Variants in PGM5 observed in about 807,000 individuals in gnomAD.
The protein encoded by PGM5 is phosphoglucomutase 5.
In PGM5, 23 loss-of-function variants were observed where a neutral mutation model predicts 59.2. The ratio of observed to expected loss-of-function variants is 0.39; its 90% CI spans 0.28 to 0.55. The LOEUF (loss-of-function observed/expected upper bound fraction) is 0.55, where lower values mean the gene tolerates loss of function less well. Ranked by LOEUF, PGM5 falls within the 20% of genes least tolerant of loss-of-function variation. The pLI, the probability that PGM5 is intolerant of heterozygous loss-of-function variation, is 0.66. For synonymous variants in PGM5, 214 were observed against 286.0 expected, an observed-to-expected ratio of 0.75 and a Z score of 2.54; for missense variants, 574 against 748.3, an observed-to-expected ratio of 0.77 and a Z score of 2.72.
At chr9:68,406,131 T>C (rs1554681117) in intron 6 of PGM5, 1 of 152,202 alleles carries the variant, frequency 6.6e-6, no homozygotes, top group Admixed American at 6.5e-5. Flanking sequence ...CTGACCTTTA[T>C]TGGCCTCTGC....
At chr9:68,422,594 G>T (rs1823151676) in intron 6 of PGM5, among the ~76,000 whole-genome samples, 1 of 151,914 alleles carries the variant, frequency 6.6e-6, no homozygotes, top group Non-Finnish European at 1.5e-5. Flanking sequence ...GCCGGGCCCG[G>T]TGTACTTTCT....
At chr9:68,509,016 C>A (rs1824702433) in intron 10 of PGM5, among the ~76,000 whole-genome samples, 1 of 152,200 alleles carries the variant, frequency 6.6e-6, no homozygotes, top group Non-Finnish European at 1.5e-5. Flanking sequence ...GTGCAATTAG[C>A]CAGCATCTGG....
intron 6 of PGM5, among the ~76,000 whole-genome samples, chr9:68,445,530 G>A (rs1554683955): frequency 6.6e-6 from 1 of 152,152 alleles, no homozygotes; most frequent in African/African-American, 2.4e-5. Context: ...GGTAGCCAGG[G>A]GCTCCACCGC....
chr9:68,522,799 G>A (rs890481163), intron 10 of PGM5, among the ~76,000 whole-genome samples: 2 of 152,178 alleles, frequency 1.3e-5, no homozygotes, highest in Non-Finnish European at 2.9e-5. Context: ...CTATTGGGAG[G>A]TAATGGATCT....
intron 2 of PGM5, among the ~76,000 whole-genome samples, chr9:68,382,212 A>C (rs1425401739): frequency 6.6e-6 from 1 of 151,534 alleles, no homozygotes; most frequent in East Asian, 1.9e-4. Flanking sequence ...CCAGAAATAA[A>C]TCAAGGCATA....
At chr9:68,370,747 A>G (rs1419031209) in intron 1 of PGM5, among the ~76,000 whole-genome samples, 12 of 152,292 alleles carry the variant, frequency 7.9e-5, no homozygotes, top group African/African-American at 2.9e-4. Flanking sequence ...AAGCCCAATG[A>G]CATAATTTAG....
chr9:68,412,370 G>T (rs1238066740), intron 6 of PGM5, among the ~76,000 whole-genome samples: 1 of 152,142 alleles, frequency 6.6e-6, no homozygotes, highest in African/African-American at 2.4e-5. Context: ...ATGCTTCATG[G>T]TATCTGAGAG....
chr9:68,495,163 C>T (rs756840926), intron 9 of PGM5, among the ~76,000 whole-genome samples: 27 of 152,158 alleles, frequency 1.8e-4, no homozygotes, highest in Non-Finnish European at 2.9e-4. Context: ...GTTAACACTG[C>T]GGTGGAAACT....
Position 68,357,385 on chromosome 9 carries a change from C to G in PGM5, c.258C>G (p.Asn86Lys). The change falls in exon 1 of 11, where the codon AAC becomes AAG. Residue 86 changes from asparagine to lysine, a missense_variant. Around this residue, in one of 7 missense-constraint regions of PGM5, gnomAD observed 61 missense variants for 133.3 expected, o/e 0.46. Transcript: ENST00000396396. ...TCGTGGTGCAGATGGCCGCGGCCAA[C>G]GGGGTGAGTGTCCGGATGCCCCTCG... is the stretch of plus-strand genomic sequence containing the variant. ...IEIVVQMAAA[N>K]GIGRLIIGQN... is the part of the protein sequence containing the mutation. 1 of 1,557,068 alleles carries G rather than the reference C, an allele frequency of 6.4e-7. No individual in the cohort carries two copies. The highest frequency in any genetic ancestry group is 8.7e-7 in the Non-Finnish European group (1 of 1,153,908).
intron 6 of PGM5, chr9:68,406,335 G>A (rs1213380998): frequency 6.6e-6 from 1 of 151,176 alleles, no homozygotes; most frequent in African/African-American, 2.4e-5. Flanking sequence ...AAGGTCCAGG[G>A]GCATAACAGG....
intron 9 of PGM5, among the ~76,000 whole-genome samples, chr9:68,495,064 T>C (rs1824461263): frequency 6.6e-6 from 1 of 152,156 alleles, no homozygotes; most frequent in Non-Finnish European, 1.5e-5. Context: ...AAAATGATGA[T>C]GAATGAGGTA....
chr9:68,440,874 C>G (rs1823515498), intron 6 of PGM5, among the ~76,000 whole-genome samples: 1 of 151,914 alleles, frequency 6.6e-6, no homozygotes, highest in South Asian at 2.1e-4. Context: ...GAAACAAAAG[C>G]TGGTTCTTTG....
chr9:68,432,363 G>T (rs1057397680), intron 6 of PGM5, among the ~76,000 whole-genome samples: 2 of 151,698 alleles, frequency 1.3e-5, no homozygotes, highest in African/African-American at 2.4e-5. Flanking sequence ...ACCACACCCA[G>T]CAAATTTTTG....
intron 7 of PGM5, among the ~76,000 whole-genome samples, chr9:68,472,754 T>C (rs534607976): frequency 3.2e-4 from 48 of 152,326 alleles, no homozygotes; most frequent in African/African-American, 1.2e-3. Context: ...AGGGAGTTTA[T>C]AGGGTGTTGC....
At position 68,387,640 on chromosome 9, in the gene PGM5, A is replaced by G. The variant is rs1587785051; in HGVS notation, c.697+52A>G. The G allele has an allele frequency of 5.7e-6, 9 of 1,571,936 alleles. No homozygotes were observed. In the East Asian group the frequency reaches 1.4e-4, roughly 24 times the overall value. On this transcript the variant is annotated intron_variant, in intron 4 of 10. Transcript: ENST00000396396. ...GTGGGCAGGAAATATTGAGACCTGT[A>G]CACCTGTTGGGTTTCAGAGGTTAAG...
intron 9 of PGM5, among the ~76,000 whole-genome samples, chr9:68,489,338 A>G (rs782145633): frequency 7.2e-5 from 11 of 152,186 alleles, no homozygotes; most frequent in Non-Finnish European, 1.2e-4. Context: ...TATATTTTGA[A>G]AACTGGATTT....
At chr9:68,493,536 TA>T (rs1438934666) in intron 9 of PGM5, among the ~76,000 whole-genome samples, 1 of 152,246 alleles carries the variant, frequency 6.6e-6, no homozygotes, top group Non-Finnish European at 1.5e-5. Context: ...GCAAGTGTTT[TA>T]ACTTCTTTCT....
chr9:68,428,420 A>G (rs782023791), intron 6 of PGM5, among the ~76,000 whole-genome samples: 2 of 152,190 alleles, frequency 1.3e-5, no homozygotes, highest in Non-Finnish European at 2.9e-5. Context: ...AGATGGTTTC[A>G]TTATCCCAAA....
chr9:68,391,449 A>G (rs1284500198), intron 4 of PGM5, 85 bp from the exon 5 acceptor site: 4 of 1,016,962 alleles, frequency 3.9e-6, no homozygotes, highest in Non-Finnish European at 5.9e-6. Flanking sequence ...GGGTTATTAA[A>G]TGGTGTTTCC....
Sources: gnomAD v4.1 joint callset for allele counts (sites outside exome capture counted in the v4.1 genomes callset) on GRCh38, gnomAD v4.1.1 for gene constraint, gnomAD v4.1.1 regional missense constraint, MANE v1.5 for transcripts, NCBI Gene and HGNC (gene_info 2026-07-23, HGNC 2026-07-21) for gene names.